Variants in PTPRM observed in about 807,000 individuals in gnomAD.
The protein encoded by PTPRM is protein tyrosine phosphatase receptor type M.
Under a neutral mutation model 186.7 loss-of-function variants are expected in PTPRM, and 47 were observed. That is an observed-to-expected ratio of 0.25 (90% CI 0.20 to 0.32). The LOEUF is 0.32. PTPRM is among the 10% of genes least tolerant of loss of function. The pLI, the probability that PTPRM is intolerant of heterozygous loss-of-function variation, is 1.00. For synonymous variants in PTPRM, 668 were observed against 674.9 expected (o/e 0.99, Z 0.16); for missense variants, 1,494 against 1,865.0 (o/e 0.80, Z 3.66).
At chr18:8,192,394 G>A (rs1227694430) in intron 14 of PTPRM, among the ~76,000 whole-genome samples, 1 of 152,082 alleles carries the variant, frequency 6.6e-6, no homozygotes, top group Admixed American at 6.5e-5. Context: ...CTTGGTCAGG[G>A]ATAAACCAGT....
At chr18:8,224,977 T>G (rs1312854845) in intron 14 of PTPRM, among the ~76,000 whole-genome samples, 2 of 152,196 alleles carry the variant, frequency 1.3e-5, no homozygotes, top group Non-Finnish European at 1.5e-5. Flanking sequence ...GAGTTGCAGT[T>G]TTGCCAACCT....
intron 1 of PTPRM, among the ~76,000 whole-genome samples, chr18:7,726,692 C>T (rs947483220): frequency 5.3e-5 from 8 of 152,168 alleles, no homozygotes; most frequent in Admixed American, 2.0e-4. Flanking sequence ...GTTGATGTAC[C>T]ATTGTGCCTT....
chr18:8,013,494 T>C (rs1421602210), intron 7 of PTPRM, among the ~76,000 whole-genome samples: 2 of 152,146 alleles, frequency 1.3e-5, no homozygotes, highest in African/African-American at 4.8e-5. Flanking sequence ...AGAAAATATA[T>C]TTACTATTCA....
At chr18:7,973,950 G>A (rs1421871959) in intron 7 of PTPRM, among the ~76,000 whole-genome samples, 2 of 150,438 alleles carry the variant, frequency 1.3e-5, no homozygotes, top group African/African-American at 4.9e-5. Flanking sequence ...AGAGTATTTA[G>A]TCAGTGAGAT....
intron 2 of PTPRM, among the ~76,000 whole-genome samples, chr18:7,796,940 G>A (rs896375076): frequency 1.3e-5 from 2 of 152,184 alleles, no homozygotes; most frequent in African/African-American, 4.8e-5. Flanking sequence ...AGGTGACTGT[G>A]AACATCATGA....
chr18:8,035,321 C>G (rs767513966), intron 7 of PTPRM, among the ~76,000 whole-genome samples: 2 of 152,058 alleles, frequency 1.3e-5, no homozygotes, highest in African/African-American at 2.4e-5. Flanking sequence ...GAAAAATAAC[C>G]TGCAAATCAT....
chr18:7,834,491 T>TACACACACACACACACACACAC (rs36162599), intron 2 of PTPRM, among the ~76,000 whole-genome samples: 1,398 of 84,548 alleles, frequency 0.017, 55 homozygotes, highest in Non-Finnish European at 0.02. Flanking sequence ...TATACAAGTA[T>TACACACACACACACACACACAC]ACACACACAC....
intron 14 of PTPRM, among the ~76,000 whole-genome samples, chr18:8,190,841 A>G (rs1045242331): frequency 3.3e-5 from 5 of 152,138 alleles, no homozygotes; most frequent in East Asian, 1.9e-4. Flanking sequence ...GTCATGGCCA[A>G]TTTTTTTCCT....
intron 2 of PTPRM, among the ~76,000 whole-genome samples, chr18:7,807,631 T>TGTC (rs2044298799): frequency 1.3e-5 from 2 of 152,180 alleles, no homozygotes; most frequent in Admixed American, 6.5e-5. Context: ...TTGTTGTTGT[T>TGTC]GTCATCTAAG....
chr18:7,984,976 T>TAAAC (rs1568131127), intron 7 of PTPRM, among the ~76,000 whole-genome samples: 25 of 125,310 alleles, frequency 2.0e-4, no homozygotes, highest in Non-Finnish European at 2.6e-4. Flanking sequence ...TATAATTATA[T>TAAAC]ATACATATAA....
At chr18:8,046,339 A>G (rs2087051654) in intron 7 of PTPRM, among the ~76,000 whole-genome samples, 1 of 152,256 alleles carries the variant, frequency 6.6e-6, no homozygotes, top group Non-Finnish European at 1.5e-5. Flanking sequence ...TCACTTGTCT[A>G]AAATCAGTAG....
intron 7 of PTPRM, among the ~76,000 whole-genome samples, chr18:8,042,267 T>A (rs1302508696): frequency 6.6e-5 from 10 of 152,240 alleles, no homozygotes; most frequent in Admixed American, 6.5e-4. Context: ...TATAAAAATC[T>A]GAATAGCAGT....
intron 1 of PTPRM, among the ~76,000 whole-genome samples, chr18:7,665,746 G>A (rs550657090): frequency 9.2e-5 from 14 of 152,040 alleles, no homozygotes; most frequent in African/African-American, 3.1e-4. Context: ...CCAATGTGAA[G>A]CCTCATCTCT....
chr18:8,375,136 A>G (rs1437351776), intron 24 of PTPRM, among the ~76,000 whole-genome samples: 1 of 152,230 alleles, frequency 6.6e-6, no homozygotes, highest in East Asian at 1.9e-4. Flanking sequence ...AATTACCTTA[A>G]TTATTCTCAA....
chr18:7,768,631 A>G (rs1190163594), intron 1 of PTPRM, among the ~76,000 whole-genome samples: 2 of 144,824 alleles, frequency 1.4e-5, no homozygotes, highest in African/African-American at 5.4e-5. Context: ...AGTATCCATA[A>G]AGATATATAT....
At chr18:7,897,116 A>C (rs955087336) in intron 3 of PTPRM, among the ~76,000 whole-genome samples, 1 of 152,196 alleles carries the variant, frequency 6.6e-6, no homozygotes, top group African/African-American at 2.4e-5. Context: ...ACCAAATGGA[A>C]AGAAGCACTG....
intron 14 of PTPRM, among the ~76,000 whole-genome samples, chr18:8,213,009 A>G (rs2094028455): frequency 1.3e-5 from 2 of 152,146 alleles, no homozygotes; most frequent in Non-Finnish European, 2.9e-5. Flanking sequence ...AGAGAACTCA[A>G]GCTCTTGTAT....
chr18:8,335,637 C>A (rs2095434759), intron 22 of PTPRM, among the ~76,000 whole-genome samples: 2 of 152,138 alleles, frequency 1.3e-5, no homozygotes, highest in African/African-American at 4.8e-5. Flanking sequence ...TTCAAGCATA[C>A]CAAACCTGAA....
chr18:7,916,909 C>T (rs192414979), intron 4 of PTPRM, among the ~76,000 whole-genome samples: 225 of 152,260 alleles, frequency 1.5e-3, no homozygotes, highest in African/African-American at 5.1e-3. Context: ...TTATATCTAA[C>T]TGTAATTTTG....
Sources: allele counts gnomAD v4.1 joint callset (sites outside exome capture counted in the v4.1 genomes callset), GRCh38; gene constraint gnomAD v4.1.1; transcripts MANE v1.5; gene names NCBI Gene and HGNC (gene_info 2026-07-23, HGNC 2026-07-21).